The following FOXP2 variants were observed in gnomAD, a reference collection of about 807,000 sequenced individuals.
FOXP2 encodes the protein forkhead box protein P2.
In FOXP2, 12 loss-of-function variants were observed where a neutral mutation model predicts 115.8. The observed-to-expected ratio is 0.10, with a 90% CI of 0.07 to 0.17. The LOEUF is 0.17. Ranked by LOEUF, FOXP2 falls within the 10% of genes least tolerant of loss-of-function variation. The pLI, the probability that FOXP2 is intolerant of heterozygous loss-of-function variation, is 1.00. For synonymous variants in FOXP2, 328 were observed against 297.7 expected (o/e 1.10, Z -1.05); for missense variants, 629 against 843.5 (o/e 0.75, Z 3.15).
At chr7:114,339,047 C>T (rs767904798) in intron 2 of FOXP2, among the ~76,000 whole-genome samples, 2 of 151,052 alleles carry the variant, frequency 1.3e-5, no homozygotes, top group Middle Eastern at 3.2e-3. Flanking sequence ...TCTTTCTAAA[C>T]TAAATTGTAG....
At chr7:114,675,549 A>G (rs1052821344) in intron 16 of FOXP2, among the ~76,000 whole-genome samples, 4 of 152,194 alleles carry the variant, frequency 2.6e-5, no homozygotes, top group African/African-American at 7.2e-5. Context: ...ACTAATTTGA[A>G]TGAAAATTTA....
intron 2 of FOXP2, among the ~76,000 whole-genome samples, chr7:114,488,094 G>A (rs776802352): frequency 2.6e-5 from 4 of 152,160 alleles, no homozygotes; most frequent in Non-Finnish European, 5.9e-5. Flanking sequence ...CCACATGGCT[G>A]GGGAGGACTC....
At chr7:114,365,332 T>C (rs1301692766) in intron 2 of FOXP2, among the ~76,000 whole-genome samples, 2 of 152,182 alleles carry the variant, frequency 1.3e-5, no homozygotes, top group Non-Finnish European at 2.9e-5. Flanking sequence ...TTAATCAGCA[T>C]ATATCAAAAC....
At chr7:114,205,279 G>A (rs1465573178) in intron 1 of FOXP2, among the ~76,000 whole-genome samples, 4 of 152,080 alleles carry the variant, frequency 2.6e-5, no homozygotes, top group Non-Finnish European at 2.9e-5. Flanking sequence ...CTCACACATT[G>A]CGCTCAACAA....
chr7:114,257,329 A>G (rs1219917278), intron 1 of FOXP2, among the ~76,000 whole-genome samples: 1 of 152,136 alleles, frequency 6.6e-6, no homozygotes, highest in Non-Finnish European at 1.5e-5. Context: ...AAAACCCCAA[A>G]CTATAAAAAC....
At chr7:114,096,943 T>G (rs73716353) in intron 1 of FOXP2, among the ~76,000 whole-genome samples, 1 of 152,136 alleles carries the variant, frequency 6.6e-6, no homozygotes, top group African/African-American at 2.4e-5. Flanking sequence ...GTGGAAATGC[T>G]AATTATAAAA....
intron 1 of FOXP2, among the ~76,000 whole-genome samples, chr7:114,220,974 T>A (rs972630175): frequency 5.9e-5 from 9 of 152,180 alleles, no homozygotes; most frequent in Admixed American, 4.6e-4. Flanking sequence ...GGAGAAGTAG[T>A]AGCATAATAG....
At chr7:114,661,266 G>T (rs973429495) in intron 13 of FOXP2, among the ~76,000 whole-genome samples, 1 of 151,872 alleles carries the variant, frequency 6.6e-6, no homozygotes, top group Non-Finnish European at 1.5e-5. Context: ...GAAAATACTC[G>T]ATGTAAATTA....
intron 2 of FOXP2, among the ~76,000 whole-genome samples, chr7:114,502,740 T>C (rs1210734860): frequency 6.6e-6 from 1 of 152,036 alleles, no homozygotes; most frequent in Non-Finnish European, 1.5e-5. Flanking sequence ...ATGCACAGAT[T>C]CCTGGGATAT....
At chr7:114,278,479 C>G (rs1243065113) in intron 1 of FOXP2, among the ~76,000 whole-genome samples, 2 of 151,892 alleles carry the variant, frequency 1.3e-5, no homozygotes, top group African/African-American at 4.8e-5. Flanking sequence ...CTCAGTCTCC[C>G]GAGTAGCTGG....
At chr7:114,209,205 CT>C (rs1180365955) in intron 1 of FOXP2, among the ~76,000 whole-genome samples, 1 of 152,152 alleles carries the variant, frequency 6.6e-6, no homozygotes, top group Non-Finnish European at 1.5e-5. Context: ...GACATTCATT[CT>C]TCTCCTTGCT....
chr7:114,505,593 T>C (rs1163215013), intron 2 of FOXP2, among the ~76,000 whole-genome samples: 7 of 151,150 alleles, frequency 4.6e-5, no homozygotes, highest in Non-Finnish European at 7.4e-5. Context: ...AACACAAAAG[T>C]TTTTGTGCTG....
rs1323813487 is a variant in FOXP2, at chr7:114,557,529, C to T, written c.258+22823C>T. 2.6e-5 allele frequency among the ~76,000 whole-genome samples: 4 copies of T among 151,838 alleles called. No homozygotes were observed. In the South Asian group the frequency reaches 6.2e-4, roughly 24 times the overall value. Reference sequence around the variant, plus strand: ...TTCTGACTCCCAAATTTTAAAATGTCGATTTCACTTCCTAATTAGTGCTGC... The same window carrying T: ...TTCTGACTCCCAAATTTTAAAATGTTGATTTCACTTCCTAATTAGTGCTGC... On this transcript the variant is annotated intron_variant, in intron 3 of 16. Coordinates refer to ENST00000350908, the MANE Select transcript of FOXP2 (RefSeq NM_014491.4).
At chr7:114,479,199 T>A (rs1256611272) in intron 2 of FOXP2, among the ~76,000 whole-genome samples, 1 of 151,828 alleles carries the variant, frequency 6.6e-6, no homozygotes, top group African/African-American at 2.4e-5. Flanking sequence ...GTTGTTTAAA[T>A]GGCAGACTTT....
At chr7:114,642,797 T>G (rs1805623883) in intron 7 of FOXP2, among the ~76,000 whole-genome samples, 174 bp downstream of exon 7, 1 of 40,874 alleles carries the variant, frequency 2.4e-5, no homozygotes, top group Non-Finnish European at 5.8e-5. Context: ...TATATATATA[T>G]ATATATATAT....
At chr7:114,537,136 T>C (rs1799433581) in intron 3 of FOXP2, among the ~76,000 whole-genome samples, 1 of 151,576 alleles carries the variant, frequency 6.6e-6, no homozygotes, top group Admixed American at 6.6e-5. Flanking sequence ...TTCAATAATT[T>C]GATATGAAAT....
chr7:114,573,834 G>A (rs1801438661), intron 3 of FOXP2, among the ~76,000 whole-genome samples: 1 of 151,678 alleles, frequency 6.6e-6, no homozygotes, highest in Non-Finnish European at 1.5e-5. Flanking sequence ...ACCAAATGAA[G>A]GTTAAAGCCC....
chr7:114,294,168 A>G (rs918651758), intron 2 of FOXP2, among the ~76,000 whole-genome samples: 2 of 152,238 alleles, frequency 1.3e-5, no homozygotes, highest in African/African-American at 4.8e-5. Context: ...TGCAACATGC[A>G]GAAGCTGCTT....
chr7:114,362,861 AT>A (rs1366357377), intron 2 of FOXP2, among the ~76,000 whole-genome samples: 1 of 152,116 alleles, frequency 6.6e-6, no homozygotes, highest in Non-Finnish European at 1.5e-5. Context: ...AGACGAGGGA[AT>A]TAAGAGGAGC....
Sources: allele counts gnomAD v4.1 joint callset (sites outside exome capture counted in the v4.1 genomes callset), GRCh38; gene constraint gnomAD v4.1.1; transcripts MANE v1.5; gene names NCBI Gene and HGNC (gene_info 2026-07-23, HGNC 2026-07-21).